Variants in CLRN1 observed in about 807,000 individuals in gnomAD.
The protein encoded by CLRN1 is clarin 1, also known as clarin-1.
Under a neutral mutation model 18.7 loss-of-function variants are expected in CLRN1, and 15 were observed. The observed-to-expected ratio is 0.80, with a 90% confidence interval of 0.54 to 1.23. The LOEUF is 1.23. Ranked by LOEUF, CLRN1 falls within the 50% of genes most tolerant of loss-of-function variation. The pLI is 0.00. For synonymous variants in CLRN1, 104 were observed against 102.9 expected, an observed-to-expected ratio of 1.01 and a Z score of -0.07; for missense variants, 311 against 277.5, an observed-to-expected ratio of 1.12 and a Z score of -0.86.
rs1221765084 is a variant in CLRN1, at chr3:150,972,453, T to C, written c.253+3A>G. ...AAATAACTCAAATGCAATTGCTACT[T>C]ACATGAGAACCGAAAGGGCCTTGCT... is the stretch of plus-strand genomic sequence containing the variant. On this transcript the variant is annotated splice_donor_region_variant and intron_variant, in intron 1 of 2. Coordinates refer to ENST00000327047, the MANE Select transcript of CLRN1 (RefSeq NM_174878.3). 1 of 1,614,118 alleles carries C rather than the reference T, an allele frequency of 6.2e-7. No homozygotes were observed. The highest frequency in any genetic ancestry group is 1.7e-5 in the Admixed American group (1 of 60,010).
intron 1 of CLRN1, among the ~76,000 whole-genome samples, chr3:150,967,684 G>A (rs1419689072): frequency 6.6e-6 from 1 of 152,170 alleles, no homozygotes; most frequent in African/African-American, 2.4e-5. Flanking sequence ...CCATCGGCAG[G>A]GTGATAGGAG....
At chr3:150,939,344 C>T (rs934441401) in intron 2 of CLRN1, among the ~76,000 whole-genome samples, 3 of 152,200 alleles carry the variant, frequency 2.0e-5, no homozygotes, top group Non-Finnish European at 2.9e-5. Context: ...AGACACAATG[C>T]TCTGGGGCCT....
chr3:150,944,426 G>A (rs1056495083), intron 1 of CLRN1, among the ~76,000 whole-genome samples: 1 of 152,060 alleles, frequency 6.6e-6, no homozygotes, highest in Non-Finnish European at 1.5e-5. Flanking sequence ...GATCACAAGG[G>A]GGTGGGGAAG....
chr3:150,970,507 T>C (rs539597022), intron 1 of CLRN1, among the ~76,000 whole-genome samples: 41 of 126,008 alleles, frequency 3.3e-4, no homozygotes, highest in African/African-American at 1.1e-3. Context: ...AAAGATACTT[T>C]TATGCTTAGG....
At chr3:150,955,717 C>G (rs1156578075) in intron 1 of CLRN1, among the ~76,000 whole-genome samples, 1 of 152,108 alleles carries the variant, frequency 6.6e-6, no homozygotes, top group African/African-American at 2.4e-5. Context: ...CTGAACATGA[C>G]AAAGCTCTTT....
At chr3:150,930,614 G>A (rs748402454) in intron 2 of CLRN1, among the ~76,000 whole-genome samples, 1 of 152,112 alleles carries the variant, frequency 6.6e-6, no homozygotes, top group Non-Finnish European at 1.5e-5. Context: ...TTTATTGTTA[G>A]ATCCTAACAA....
intron 1 of CLRN1, among the ~76,000 whole-genome samples, chr3:150,953,490 G>GC (rs1025784127): frequency 2.0e-5 from 3 of 151,436 alleles, no homozygotes; most frequent in Middle Eastern, 3.4e-3. Flanking sequence ...ATAACAATAA[G>GC]AAAAAAAAGC....
intron 1 of CLRN1, among the ~76,000 whole-genome samples, chr3:150,961,929 G>A (rs560474691): frequency 6.6e-6 from 1 of 152,298 alleles, no homozygotes; most frequent in Admixed American, 6.5e-5. Flanking sequence ...CATGACCCCA[G>A]CACTTAAAAG....
intron 1 of CLRN1, 100 bp downstream of exon 1, chr3:150,972,356 T>C: frequency 6.7e-7 from 1 of 1,494,920 alleles, no homozygotes; most frequent in Non-Finnish European, 9.3e-7. Context: ...ATTTAAAAAG[T>C]CCTGCAGTAA....
rs757041218 is a variant in CLRN1 at position 150,927,492 on chromosome 3, C to T, written c.*444G>A. On this transcript the variant is annotated 3_prime_UTR_variant, in exon 3 of 3. Coordinates refer to ENST00000327047, the MANE Select transcript of CLRN1 (RefSeq NM_174878.3). ...ACATTTTATAGATGTTCATTTAATA[C>T]ACTACTGTTTTAGGAAAGCGATTGC... 57 of 453,586 alleles carry T rather than the reference C, an allele frequency of 1.3e-4. No individual in the cohort carries two copies. Among genetic ancestry groups the T allele is most frequent in the South Asian group, 8.4e-4 (54 of 64,124 alleles). 28.1% of individuals were successfully genotyped at this position (453,586 alleles called of 1,614,324 possible). A position where few individuals can be genotyped will look rare whatever the true frequency, so the allele number is the denominator to read the frequency against.
chr3:150,945,372 AG>A (rs1435557053), intron 1 of CLRN1, among the ~76,000 whole-genome samples: 1 of 152,230 alleles, frequency 6.6e-6, no homozygotes, highest in Non-Finnish European at 1.5e-5. Flanking sequence ...TGTTTCAAGG[AG>A]GAGTAAGTAG....
At chr3:150,960,140 G>A (rs1479725434) in intron 1 of CLRN1, among the ~76,000 whole-genome samples, 1 of 152,138 alleles carries the variant, frequency 6.6e-6, no homozygotes, top group Non-Finnish European at 1.5e-5. Flanking sequence ...CGATATCTCA[G>A]TTTCCTTAAC....
intron 1 of CLRN1, among the ~76,000 whole-genome samples, chr3:150,970,185 T>C (rs980880093): frequency 6.6e-6 from 1 of 152,184 alleles, no homozygotes; most frequent in Middle Eastern, 3.2e-3. Context: ...TAAGGTTAGA[T>C]CTTTTATTCA....
chr3:150,948,191 C>T (rs1424458608), intron 1 of CLRN1, among the ~76,000 whole-genome samples: 1 of 152,106 alleles, frequency 6.6e-6, no homozygotes, highest in Non-Finnish European at 1.5e-5. Context: ...CAAATAAACA[C>T]AATTAGAAAT....
rs1713338458 is a variant in CLRN1, at chr3:150,934,470, G to C, written c.434-6269C>G. 2.0e-5 allele frequency among the ~76,000 whole-genome samples: 3 copies of C among 152,240 alleles called. No individual in the cohort carries two copies. The East Asian group carries it at 5.8e-4, about 29-fold the overall frequency. ...GAGAATAATTATAATCATTGCAAAT[G>C]GTAACAAATACAATTTGCAATAAGT... On this transcript the variant is annotated intron_variant, in intron 2 of 2. Transcript: ENST00000327047.
chr3:150,927,895 G>A lies in CLRN1; in HGVS notation c.*41C>T. 6.2e-7 allele frequency: 1 copy of A among 1,612,076 alleles called. No homozygotes were observed. Among genetic ancestry groups the A allele is most frequent in the Non-Finnish European group, 8.5e-7 (1 of 1,178,734 alleles). On this transcript the variant is annotated 3_prime_UTR_variant, in exon 3 of 3. Coordinates refer to ENST00000327047, the MANE Select transcript of CLRN1 (RefSeq NM_174878.3). ...TTAACCACATCTAAAAGTGACCAAA[G>A]CAAGTCTACTCCCTTGTAAAATTAT...
chr3:150,934,932 G>T lies in CLRN1; in HGVS notation c.433+6650C>A, dbSNP rs1244416399. ...TCCTGCCCGCACCTCTATTACAGGA[G>T]GCCACCTTTACACAAAGCTCACTGC... On this transcript the variant is annotated intron_variant, in intron 2 of 2. Coordinates refer to ENST00000327047, the MANE Select transcript of CLRN1 (RefSeq NM_174878.3). Among the ~76,000 whole-genome samples, 4 of 151,996 alleles carry T rather than the reference G, an allele frequency of 2.6e-5. No individual in the cohort carries two copies. The East Asian group carries it at 7.7e-4, about 29-fold the overall frequency.
At position 150,927,210 on chromosome 3, in the gene CLRN1, T is replaced by C. The variant is rs908783002; in HGVS notation, c.*726A>G. 1.9e-6 allele frequency: 1 copy of C among 517,332 alleles called. No homozygotes were observed. The highest frequency in any genetic ancestry group is 2.2e-5 in the Admixed American group (1 of 44,594). The allele number at this position is 517,332 out of a possible 1,614,324, so 32.0% of individuals were successfully genotyped here. ...AGCTTGGTTTTTTCTTCTTTTCTTC[T>C]TTTAGAGTTTGCAGATTTTGACCAA... On this transcript the variant is annotated 3_prime_UTR_variant, in exon 3 of 3. Transcript: ENST00000327047.
intron 1 of CLRN1, among the ~76,000 whole-genome samples, chr3:150,954,254 A>G (rs1191043008): frequency 2.0e-5 from 3 of 152,184 alleles, no homozygotes; most frequent in African/African-American, 7.2e-5. Flanking sequence ...TCCCACTAGC[A>G]ATGTAAGAGA....
Sources: gnomAD v4.1 joint callset for allele counts (sites outside exome capture counted in the v4.1 genomes callset) on GRCh38, gnomAD v4.1.1 for gene constraint, MANE v1.5 for transcripts, NCBI Gene and HGNC (gene_info 2026-07-23, HGNC 2026-07-21) for gene names.